The following AGL variants were observed in gnomAD, a reference collection of about 807,000 sequenced individuals.
The protein encoded by AGL is glycogen debranching enzyme.
In AGL, 128 loss-of-function variants were observed where a neutral mutation model predicts 199.3. That is an observed-to-expected ratio of 0.64 (90% CI 0.56 to 0.74). The LOEUF (loss-of-function observed/expected upper bound fraction) is 0.74, where lower values mean the gene tolerates loss of function less well. AGL is among the 30% of genes least tolerant of loss of function. AGL has a pLI of 0.00. For missense variants in AGL, 1,809 were observed against 1,820.8 expected (o/e 0.99, Z 0.12); for synonymous variants, 584 against 594.7 (o/e 0.98, Z 0.26).
intron 2 of AGL, among the ~76,000 whole-genome samples, chr1:99,856,706 A>T (rs1180249714): frequency 6.6e-6 from 1 of 152,064 alleles, no homozygotes; most frequent in African/African-American, 2.4e-5. Flanking sequence ...ACCACCCTTA[A>T]TCCATTTAAC....
Position 99,905,203 on chromosome 1 carries a change from G to C in AGL, c.3700+2409G>C, listed in dbSNP as rs553838585. 1.6e-3 allele frequency among the ~76,000 whole-genome samples: 245 copies of C among 152,080 alleles called. 1 individual carries two copies. The highest frequency in any genetic ancestry group is 2.8e-3 in the Non-Finnish European group (187 of 67,966). ...AGACCACTACAAACTGTGTGTGGTGGGGGGGTGGGTCTGAGATGGAGTCTT... is the reference window on the plus strand; with the variant it reads ...AGACCACTACAAACTGTGTGTGGTGCGGGGGTGGGTCTGAGATGGAGTCTT... On this transcript the variant is annotated intron_variant, in intron 27 of 33. Coordinates refer to ENST00000361915, the MANE Select transcript of AGL (RefSeq NM_000642.3).
chr1:99,882,933 A>G (rs1011264728), intron 17 of AGL, among the ~76,000 whole-genome samples: 1 of 152,182 alleles, frequency 6.6e-6, no homozygotes, highest in Admixed American at 6.5e-5. Context: ...ATGTATATTC[A>G]CTATCCTTAT....
chr1:99,852,351 CTTTTTTTT>C (rs11363065), intron 2 of AGL, among the ~76,000 whole-genome samples: 5 of 97,554 alleles, frequency 5.1e-5, no homozygotes, highest in South Asian at 3.6e-4. Flanking sequence ...GCATTCATTT[CTTTTTTTT>C]TTTTTTTTTT....
In AGL at chr1:99,896,322, G is replaced by C; in HGVS notation, c.3296G>C (p.Trp1099Ser). The change falls in exon 25 of 34, where the codon TGG becomes TCG. Residue 1099 changes from tryptophan to serine, a missense_variant. Physicochemically the swap from Trp to Ser is radical, Grantham distance 177. Coordinates refer to ENST00000361915, the MANE Select transcript of AGL (RefSeq NM_000642.3). ...PHFSSGIFRCWGRDTFIALRG... is the reference protein window; with the variant it reads ...PHFSSGIFRCSGRDTFIALRG... ...TTTTCTTCTGGTATTTTCCGCTGCTGGGGAAGGGATACTTTTATTGCACTT... is the reference window on the plus strand; with the variant it reads ...TTTTCTTCTGGTATTTTCCGCTGCTCGGGAAGGGATACTTTTATTGCACTT... The C allele has an allele frequency of 6.2e-7, 1 of 1,613,926 alleles. No individual in the cohort carries two copies. The highest frequency in any genetic ancestry group is 8.5e-7 in the Non-Finnish European group (1 of 1,179,962).
chr1:99,867,926 G>A (rs906341518), intron 5 of AGL, among the ~76,000 whole-genome samples: 4 of 152,122 alleles, frequency 2.6e-5, no homozygotes, highest in African/African-American at 9.7e-5. Flanking sequence ...CAAGTAGCAG[G>A]CCAAGAACAC....
Position 99,913,517 on chromosome 1 carries a change from C to A in AGL, c.3950-10C>A. 1.9e-6 allele frequency: 3 copies of A among 1,600,944 alleles called. No homozygotes were observed. The highest frequency in any genetic ancestry group is 2.7e-5 in the African/African-American group (2 of 74,728). On this transcript the variant is annotated splice_polypyrimidine_tract_variant and intron_variant, in intron 29 of 33. Coordinates refer to ENST00000361915, the MANE Select transcript of AGL (RefSeq NM_000642.3). ...TGATTAAAACTACCATGTCTTATGT[C>A]ATTTTTCAGGAAAGGCTATAAAGGT...
intron 27 of AGL, among the ~76,000 whole-genome samples, chr1:99,904,181 C>T (rs866622850): frequency 1.3e-5 from 2 of 152,260 alleles, no homozygotes; most frequent in African/African-American, 2.4e-5. Context: ...TCACCATATT[C>T]GTCATCTCAT....
At chr1:99,904,415 G>A (rs192719176) in intron 27 of AGL, among the ~76,000 whole-genome samples, 2 of 152,260 alleles carry the variant, frequency 1.3e-5, no homozygotes, top group East Asian at 1.9e-4. Context: ...ACCCAGTACA[G>A]CATCAGAGTC....
chr1:99,889,635 A>C (rs1364935335), intron 21 of AGL, among the ~76,000 whole-genome samples: 1 of 152,174 alleles, frequency 6.6e-6, no homozygotes, highest in African/African-American at 2.4e-5. Flanking sequence ...GTATGTTATC[A>C]GATTTGAGTA....
chr1:99,852,767 A>T (rs1251612208), intron 2 of AGL: 1 of 777,882 alleles, frequency 1.3e-6, no homozygotes, highest in Admixed American at 1.7e-5. Context: ...AAAATTAATA[A>T]TACATGAATT....
chr1:99,891,751 A>G lies in AGL; in HGVS notation c.3083+12A>G. ...AAGCAGATGTCAAGGTATATCCAAC[A>G]AAGCTTGAATAAATGGGCATATCTG... On this transcript the variant is annotated intron_variant, in intron 23 of 33. Transcript: ENST00000361915. 2 of 1,613,346 alleles carry G rather than the reference A, an allele frequency of 1.2e-6. No individual in the cohort carries two copies. Among genetic ancestry groups the G allele is most frequent in the Non-Finnish European group, 1.7e-6 (2 of 1,179,498 alleles).
In AGL at chr1:99,891,467, C is replaced by T. The variant is rs1406325579; in HGVS notation, c.2949+111C>T. On this transcript the variant is annotated intron_variant, in intron 22 of 33. Coordinates refer to ENST00000361915, the MANE Select transcript of AGL (RefSeq NM_000642.3). ...CTAACCTGAACCATTTTCCTCCTTC[C>T]TTCATCATCTTTCAGTTATAATAAA... The T allele has an allele frequency of 1.1e-5, 17 of 1,505,052 alleles. No homozygotes were observed. The Admixed American group carries it at 2.2e-4, about 20-fold the overall frequency. The allele number at this position is 1,505,052 out of a possible 1,614,324, so 93.2% of individuals were successfully genotyped here.
chr1:99,921,585 T>C lies in AGL; in HGVS notation c.4533T>C (p.Cys1511=). Residue 1511 remains cysteine (C), a synonymous_variant, in exon 34 of 34, where the codon TGT becomes TGC. Transcript: ENST00000361915. ...TGACCAATGAGAATGCCCAGTACTG[T>C]CCTTTCAGCTGTGAAACACAAGCCT... ...PELTNENAQY[C]PFSCETQAWS... is the part of the protein sequence containing the mutation. 1 of 1,613,204 alleles carries C rather than the reference T, an allele frequency of 6.2e-7. No individual in the cohort carries two copies. The highest frequency in any genetic ancestry group is 8.5e-7 in the Non-Finnish European group (1 of 1,179,466).
At chr1:99,886,050 T>A (rs532061408) in intron 20 of AGL, among the ~76,000 whole-genome samples, 12 of 152,206 alleles carry the variant, frequency 7.9e-5, no homozygotes, top group Non-Finnish European at 1.5e-4. Flanking sequence ...ATTAATACTT[T>A]CAGCTCTATC....
intron 5 of AGL, among the ~76,000 whole-genome samples, chr1:99,870,059 TTC>T (rs1450363743): frequency 1.3e-5 from 2 of 152,224 alleles, no homozygotes; most frequent in African/African-American, 2.4e-5. Flanking sequence ...TTTTAGCACT[TTC>T]TCAACCTCGC....
chr1:99,850,992 G>A lies in AGL; in HGVS notation c.-51G>A. ...TTTCATAGGGGTAACTCATTCGACT[G>A]TGGAGTTCTTTTAATTCTTATGAAA... On this transcript the variant is annotated 5_prime_UTR_variant, in exon 2 of 34. In the 5' UTR this introduces an upstream ATG that the reference lacks. Transcript: ENST00000361915. 6.9e-7 allele frequency: 1 copy of A among 1,439,988 alleles called. No homozygotes were observed. The highest frequency in any genetic ancestry group is 9.8e-7 in the Non-Finnish European group (1 of 1,021,940). 89.2% of individuals were successfully genotyped at this position (1,439,988 alleles called of 1,614,324 possible). A position where few individuals can be genotyped will look rare whatever the true frequency, so the allele number is the denominator to read the frequency against.
In AGL at chr1:99,891,327, C is replaced by T. The variant is rs753852119; in HGVS notation, c.2920C>T (p.Leu974Phe). ...DWMIDYVSNR[L>F]ISRSGTIAEV... The stretch of plus-strand genomic sequence containing the variant: ...GATGATTGACTATGTCAGTAACCGG[C>T]TTATTTCACGATCAGGAACTATTGC... The change falls in exon 22 of 34, where the codon CTT (leucine) becomes TTT (phenylalanine). Residue 974 changes from leucine to phenylalanine, a missense_variant. Leu to Phe is a conservative substitution (Grantham distance 22, BLOSUM62 0). Transcript: ENST00000361915. The T allele has an allele frequency of 5.6e-6, 9 of 1,613,630 alleles. No individual in the cohort carries two copies. The South Asian group carries it at 9.9e-5, about 18-fold the overall frequency.
intron 17 of AGL, among the ~76,000 whole-genome samples, chr1:99,882,438 G>C (rs1652120706): frequency 6.6e-6 from 1 of 152,048 alleles, no homozygotes; most frequent in East Asian, 1.9e-4. Flanking sequence ...TATGTTTAAG[G>C]CTTTTCATAA....
chr1:99,874,515 A>ACG (rs1651329359), intron 7 of AGL, 172 bp from the exon 8 acceptor site: 1 of 640,168 alleles, frequency 1.6e-6, no homozygotes, highest in African/African-American at 1.8e-5. Flanking sequence ...ACGCACGTGC[A>ACG]CACACGTGCA....
Sources: allele counts gnomAD v4.1 joint callset (sites outside exome capture counted in the v4.1 genomes callset), GRCh38; gene constraint gnomAD v4.1.1; transcripts MANE v1.5; gene names NCBI Gene and HGNC (gene_info 2026-07-23, HGNC 2026-07-21).